The following FAM219A variants were observed in gnomAD, a reference collection of about 807,000 sequenced individuals.
FAM219A encodes family with sequence similarity 219 member A.
In FAM219A, 7 loss-of-function variants were observed where a neutral mutation model predicts 23.4. The observed-to-expected ratio is 0.30, with a 90% CI of 0.17 to 0.56. The LOEUF (loss-of-function observed/expected upper bound fraction) is 0.56, where lower values mean the gene tolerates loss of function less well. FAM219A is among the 20% of genes least tolerant of loss of function. The pLI, the probability that FAM219A is intolerant of heterozygous loss-of-function variation, is 0.92. For synonymous variants in FAM219A, 93 were observed against 99.0 expected (o/e 0.94, Z 0.36); for missense variants, 166 against 246.9 (o/e 0.67, Z 2.20).
At chr9:34,438,067 G>A (rs1263137723) in intron 1 of FAM219A, among the ~76,000 whole-genome samples, 7 of 152,208 alleles carry the variant, frequency 4.6e-5, no homozygotes, top group Non-Finnish European at 8.8e-5. Flanking sequence ...CTTAGCACCC[G>A]GGCCAGTGGC....
At chr9:34,422,294 TC>T (rs1369954646) in intron 1 of FAM219A, among the ~76,000 whole-genome samples, 19 of 152,170 alleles carry the variant, frequency 1.2e-4, no homozygotes, top group African/African-American at 4.6e-4. Context: ...CATTGAATCC[TC>T]CCCAAAACCA....
rs1256435685 is a variant in FAM219A at position 34,398,492 on chromosome 9, G to C, written c.*2472C>G. ...GGAGCCACACCCCTCCCTAGACACA[G>C]AAGCTGCCACTGCCAGCTTCCTGCC... is the stretch of plus-strand genomic sequence containing the variant. On this transcript the variant is annotated 3_prime_UTR_variant, in exon 6 of 6. Transcript: ENST00000651358. 10 of 1,001,160 alleles carry C rather than the reference G, an allele frequency of 1.0e-5. No homozygotes were observed. The East Asian group carries it at 2.6e-4, about 26-fold the overall frequency. 62.0% of individuals were successfully genotyped at this position (1,001,160 alleles called of 1,614,324 possible).
chr9:34,450,691 C>T (rs895365048), intron 1 of FAM219A, among the ~76,000 whole-genome samples: 5 of 152,204 alleles, frequency 3.3e-5, no homozygotes, highest in African/African-American at 1.2e-4. Context: ...GCTGGGATTG[C>T]AGGCGTGAGC....
chr9:34,453,615 A>C (rs1184383478), intron 1 of FAM219A, among the ~76,000 whole-genome samples: 2 of 152,176 alleles, frequency 1.3e-5, no homozygotes, highest in Admixed American at 6.5e-5. Flanking sequence ...TGAACTAAAC[A>C]AATGAGTTAA....
rs1014921283 is a variant in FAM219A, at chr9:34,398,398, G to A, written c.*2566C>T. On this transcript the variant is annotated 3_prime_UTR_variant, in exon 6 of 6. Coordinates refer to ENST00000651358, the MANE Select transcript of FAM219A (RefSeq NM_001184940.2). The stretch of plus-strand genomic sequence containing the variant: ...GGGAGTGTTAAGGCAGTATCTACAA[G>A]GGGAAGGGTGGCAGGAGGGCAAGCT... The A allele has an allele frequency of 4.5e-6, 7 of 1,548,960 alleles. No individual in the cohort carries two copies. In the African/African-American group the frequency reaches 8.2e-5, roughly 18 times the overall value.
intron 1 of FAM219A, among the ~76,000 whole-genome samples, chr9:34,446,076 G>A (rs1483430576): frequency 6.6e-6 from 1 of 151,850 alleles, no homozygotes; most frequent in African/African-American, 2.4e-5. Context: ...GGAAGGCTGA[G>A]GCAGAAGAAT....
Position 34,398,481 on chromosome 9 carries a change from C to T in FAM219A, c.*2483G>A. 3 of 1,120,830 alleles carry T rather than the reference C, an allele frequency of 2.7e-6. No individual in the cohort carries two copies. Among genetic ancestry groups the T allele is most frequent in the African/African-American group, 1.6e-5 (1 of 64,114 alleles). The allele number at this position is 1,120,830 out of a possible 1,614,324, so 69.4% of individuals were successfully genotyped here. ...CAGGGAAGGAGGGAGCCACACCCCT[C>T]CCTAGACACAGAAGCTGCCACTGCC... is the stretch of plus-strand genomic sequence containing the variant. On this transcript the variant is annotated 3_prime_UTR_variant, in exon 6 of 6. Transcript: ENST00000651358.
At position 34,400,148 on chromosome 9, in the gene FAM219A, T is replaced by A. The variant is rs1190821821; in HGVS notation, c.*816A>T. ...ATGGGCCATTGGAGTCCAGCCTTAC[T>A]CCCTGCTTCCAGGCTGGGATTGAGA... On this transcript the variant is annotated 3_prime_UTR_variant, in exon 6 of 6. Coordinates refer to ENST00000651358, the MANE Select transcript of FAM219A (RefSeq NM_001184940.2). 1 of 129,020 alleles carries A rather than the reference T, an allele frequency of 7.8e-6. No homozygotes were observed. Among genetic ancestry groups the A allele is most frequent in the African/African-American group, 2.9e-5 (1 of 34,552 alleles). 8.0% of individuals were successfully genotyped at this position (129,020 alleles called of 1,614,324 possible).
At chr9:34,443,429 T>G (rs1481180231) in intron 1 of FAM219A, among the ~76,000 whole-genome samples, 1 of 152,094 alleles carries the variant, frequency 6.6e-6, no homozygotes, top group Non-Finnish European at 1.5e-5. Context: ...CACAGCCCTG[T>G]CAAGGAGGCC....
intron 1 of FAM219A, among the ~76,000 whole-genome samples, chr9:34,439,193 C>T (rs1823063733): frequency 6.6e-6 from 1 of 152,236 alleles, no homozygotes; most frequent in African/African-American, 2.4e-5. Flanking sequence ...AGAACTGTAA[C>T]ACTCACCGCG....
chr9:34,419,896 T>C (rs995868324), intron 1 of FAM219A, among the ~76,000 whole-genome samples: 1 of 152,176 alleles, frequency 6.6e-6, no homozygotes, highest in Admixed American at 6.5e-5. Flanking sequence ...TAGTATCAAA[T>C]AGCTTTTCCT....
rs577713750 is a variant in FAM219A, at chr9:34,446,164, C to T, written c.60+12040G>A. On this transcript the variant is annotated intron_variant, in intron 1 of 5. Coordinates refer to ENST00000651358, the MANE Select transcript of FAM219A (RefSeq NM_001184940.2). ...CTCCAGCCTGGGCAACAGAGCGAGA[C>T]TCTGTCTCAAAAAAAAAAAAAAAAT... Among the ~76,000 whole-genome samples, 801 of 130,164 alleles carry T rather than the reference C, an allele frequency of 6.2e-3. 3 individuals carry two copies. Among genetic ancestry groups the T allele is most frequent in the Middle Eastern group, 0.033 (8 of 242 alleles). The allele number at this position is 130,164 out of a possible 152,430, so 85.4% of individuals were successfully genotyped here.
intron 1 of FAM219A, among the ~76,000 whole-genome samples, chr9:34,428,279 A>G (rs1003248337): frequency 3.3e-5 from 5 of 152,224 alleles, no homozygotes; most frequent in African/African-American, 1.2e-4. Flanking sequence ...ACAGATGGTA[A>G]AGGAAAATGC....
intron 1 of FAM219A, among the ~76,000 whole-genome samples, chr9:34,444,127 A>C (rs1823283854): frequency 1.3e-5 from 2 of 152,166 alleles, no homozygotes; most frequent in African/African-American, 2.4e-5. Flanking sequence ...AGCAGAGAGG[A>C]CTTTCTGGAA....
At chr9:34,421,643 C>T (rs1822288868) in intron 1 of FAM219A, among the ~76,000 whole-genome samples, 1 of 152,112 alleles carries the variant, frequency 6.6e-6, no homozygotes, top group South Asian at 2.1e-4. Flanking sequence ...TACAGCTCTA[C>T]AACCCACATC....
intron 1 of FAM219A, among the ~76,000 whole-genome samples, chr9:34,415,122 T>TTA (rs1491292127): frequency 0.05 from 349 of 7,036 alleles, no homozygotes; most frequent in Non-Finnish European, 0.18. Context: ...CCTGGCTAAA[T>TTA]TTTTTTTTTT....
rs756920459 is a variant in FAM219A, at chr9:34,458,273, G to A, written c.-10C>T. 10 of 1,535,370 alleles carry A rather than the reference G, an allele frequency of 6.5e-6. No individual in the cohort carries two copies. In the Admixed American group the frequency reaches 1.3e-4, roughly 20 times the overall value. ...CGATCTCCTCCATCATGGTGCCGGC[G>A]GGCGAGCGGGCCAGGGGCCGGGCGC... On this transcript the variant is annotated 5_prime_UTR_variant, in exon 1 of 6. Transcript: ENST00000651358. The surrounding 1 kb of genome is among the most constrained non-coding windows in gnomAD (Gnocchi z 6.6).
At chr9:34,424,267 G>A (rs1033995412) in intron 1 of FAM219A, among the ~76,000 whole-genome samples, 1 of 151,914 alleles carries the variant, frequency 6.6e-6, no homozygotes, top group African/African-American at 2.4e-5. Context: ...CATGAGGGAG[G>A]ACTCAAGATG....
intron 2 of FAM219A, among the ~76,000 whole-genome samples, chr9:34,403,686 T>C (rs1488402187): frequency 1.3e-5 from 2 of 152,174 alleles, no homozygotes; most frequent in African/African-American, 4.8e-5. Context: ...AGGAGTCCCA[T>C]CTACTCTTCC....
Sources: gnomAD v4.1 joint callset for allele counts (sites outside exome capture counted in the v4.1 genomes callset) on GRCh38, gnomAD v4.1.1 for gene constraint, Gnocchi (gnomAD v3.1) non-coding constraint, MANE v1.5 for transcripts, NCBI Gene and HGNC (gene_info 2026-07-23, HGNC 2026-07-21) for gene names.